Variants in NUS1 observed in about 807,000 individuals in gnomAD.
NUS1 encodes NUS1 dehydrodolichyl diphosphate synthase subunit.
For missense variants in NUS1, 292 were observed against 382.9 expected, an observed-to-expected ratio of 0.76 and a Z score of 1.98; for synonymous variants, 135 against 155.2, an observed-to-expected ratio of 0.87 and a Z score of 0.97.
chr6:117,706,764 T>C (rs1225066186), intron 4 of NUS1, among the ~76,000 whole-genome samples, 161 bp from the exon 5 acceptor site: 1 of 152,154 alleles, frequency 6.6e-6, no homozygotes, highest in African/African-American at 2.4e-5. Flanking sequence ...TCAGTCTACA[T>C]ATTATGATTA....
chr6:117,704,614 C>T (rs995401364), intron 4 of NUS1, among the ~76,000 whole-genome samples: 6 of 152,138 alleles, frequency 3.9e-5, no homozygotes. Flanking sequence ...AAAGGAGAGA[C>T]ATAGTAGCCT....
At chr6:117,706,797 G>A in intron 4 of NUS1, 128 bp from the exon 5 acceptor site, 2 of 697,304 alleles carry the variant, frequency 2.9e-6, no homozygotes, top group South Asian at 1.6e-5. Flanking sequence ...TGCCTGTCAT[G>A]GTGCTGTCTG....
chr6:117,676,268 A>G (rs140151657), intron 1 of NUS1, among the ~76,000 whole-genome samples, 183 bp downstream of exon 1: 36 of 152,316 alleles, frequency 2.4e-4, no homozygotes, highest in South Asian at 1.7e-3. Flanking sequence ...TTGACTCAGT[A>G]GCTTTTTAAC....
chr6:117,696,831 T>TAC (rs1387840045), intron 3 of NUS1, among the ~76,000 whole-genome samples: 2 of 152,068 alleles, frequency 1.3e-5, no homozygotes, highest in African/African-American at 4.8e-5. Context: ...CATCTGAAGG[T>TAC]ACAACTCTCA....
Position 117,694,137 on chromosome 6 carries a change from G to A in NUS1, c.648G>A (p.Lys216=), listed in dbSNP as rs148404018. ...DFCQLVAQKQ[K]RPTDLDVDTL... ...GCCAGTTAGTAGCCCAGAAGCAAAA[G>A]AGACCCACAGATTTGGATGTAGATA... Residue 216 remains lysine (K), a synonymous_variant, in exon 3 of 5, where the codon AAG becomes AAA. Transcript: ENST00000368494. 35 of 1,611,052 alleles carry A rather than the reference G, an allele frequency of 2.2e-5. No homozygotes were observed. In the African/African-American group the frequency reaches 4.5e-4, roughly 21 times the overall value.
intron 3 of NUS1, among the ~76,000 whole-genome samples, chr6:117,697,885 C>T (rs749248617): frequency 4.6e-5 from 7 of 152,106 alleles, no homozygotes; most frequent in East Asian, 1.9e-4. Context: ...ATGAAACATT[C>T]GCAAGAAGAG....
chr6:117,699,005 C>A (rs1435754421), intron 3 of NUS1, among the ~76,000 whole-genome samples: 1 of 152,094 alleles, frequency 6.6e-6, no homozygotes, highest in Admixed American at 6.5e-5. Context: ...GAACACGCTA[C>A]AACATAATAA....
In NUS1 at chr6:117,675,891, G is replaced by A. The variant is rs898267866; in HGVS notation, c.221G>A (p.Gly74Glu). 1.1e-5 allele frequency: 17 copies of A among 1,536,446 alleles called. No homozygotes were observed. Among genetic ancestry groups the A allele is most frequent in the East Asian group, 2.5e-5 (1 of 40,714 alleles). Residue 74 changes from glycine (G) to glutamate (E), a missense_variant, in exon 1 of 5, where the codon GGG becomes GAG. Transcript: ENST00000368494. ...RNRRHHRHPR[G>E]GSCLAAAHHR... is the part of the protein sequence containing the mutation. ...CGCCGTCACCACCGGCACCCGCGCGGGGGGTCGTGCCTGGCAGCCGCACAC... is the reference window on the plus strand; with the variant it reads ...CGCCGTCACCACCGGCACCCGCGCGAGGGGTCGTGCCTGGCAGCCGCACAC...
Position 117,675,575 on chromosome 6 carries a change from G to A in NUS1, c.-96G>A. On this transcript the variant is annotated 5_prime_UTR_variant, in exon 1 of 5. Coordinates refer to ENST00000368494, the MANE Select transcript of NUS1 (RefSeq NM_138459.5). ...CGGGCTCGGGGGGCGGGGGGACGCGGAGCGATGGCCCGCGCCGGCCGCAGG... is the reference window on the plus strand; with the variant it reads ...CGGGCTCGGGGGGCGGGGGGACGCGAAGCGATGGCCCGCGCCGGCCGCAGG... 3.8e-6 allele frequency: 5 copies of A among 1,307,586 alleles called. No individual in the cohort carries two copies. The highest frequency in any genetic ancestry group is 1.5e-5 in the African/African-American group (1 of 68,222). The allele number at this position is 1,307,586 out of a possible 1,614,324, so 81.0% of individuals were successfully genotyped here.
chr6:117,696,036 T>TGGATG (rs1439264337), intron 3 of NUS1, among the ~76,000 whole-genome samples: 3 of 152,072 alleles, frequency 2.0e-5, no homozygotes, highest in Non-Finnish European at 4.4e-5. Flanking sequence ...TGTTTGTGTG[T>TGGATG]TTTCAAGAAT....
rs192872400 is a variant in NUS1, at chr6:117,701,402, G to A, written c.692-2203G>A. ...TGGGACTACAGGCGCCCGCCACCGCGCCTGGCTAATTTTTTGCATTTTTAG... is the reference window on the plus strand; with the variant it reads ...TGGGACTACAGGCGCCCGCCACCGCACCTGGCTAATTTTTTGCATTTTTAG... On this transcript the variant is annotated intron_variant, in intron 3 of 4. Coordinates refer to ENST00000368494, the MANE Select transcript of NUS1 (RefSeq NM_138459.5). Among the ~76,000 whole-genome samples, 851 of 151,838 alleles carry A rather than the reference G, an allele frequency of 5.6e-3. 10 individuals are homozygous for A. The highest frequency in any genetic ancestry group is 0.019 in the African/African-American group (792 of 41,422).
At chr6:117,676,793 A>G (rs1772989896) in intron 1 of NUS1, among the ~76,000 whole-genome samples, 1 of 152,184 alleles carries the variant, frequency 6.6e-6, no homozygotes, top group South Asian at 2.1e-4. Context: ...GCCTTTGGTT[A>G]CACCACACTG....
chr6:117,686,271 C>T (rs1773139178), intron 1 of NUS1, among the ~76,000 whole-genome samples: 1 of 151,834 alleles, frequency 6.6e-6, no homozygotes, highest in Admixed American at 6.6e-5. Flanking sequence ...AAAAAAAAAG[C>T]TCTAGTCCTA....
At chr6:117,701,071 A>C (rs78229930) in intron 3 of NUS1, among the ~76,000 whole-genome samples, 1,866 of 147,884 alleles carry the variant, frequency 0.013, 37 homozygotes, top group African/African-American at 0.044. Flanking sequence ...GGTCCTTTGC[A>C]TTTTTCTACA....
At chr6:117,676,704 C>T (rs1772988224) in intron 1 of NUS1, among the ~76,000 whole-genome samples, 1 of 152,216 alleles carries the variant, frequency 6.6e-6, no homozygotes, top group African/African-American at 2.4e-5. Context: ...TGCCCAAGGC[C>T]ACAAGATCGT....
At chr6:117,694,272 T>C in intron 3 of NUS1, 92 bp downstream of exon 3, 1 of 684,528 alleles carries the variant, frequency 1.5e-6, no homozygotes, top group Non-Finnish European at 2.1e-6. Context: ...AAAGAAAATA[T>C]TTTTGTTTCT....
chr6:117,687,892 A>G (rs57182226), intron 1 of NUS1, among the ~76,000 whole-genome samples: 6,857 of 152,186 alleles, frequency 0.045, 407 homozygotes, highest in East Asian at 0.27. Context: ...AGAAGGGGGC[A>G]GGAACACCCA....
rs1052239 is a variant in NUS1 at position 117,694,136 on chromosome 6, A to G, written c.647A>G (p.Lys216Arg). 3 of 1,611,284 alleles carry G rather than the reference A, an allele frequency of 1.9e-6. No homozygotes were observed. The highest frequency in any genetic ancestry group is 2.5e-6 in the Non-Finnish European group (3 of 1,178,416). ...TGCCAGTTAGTAGCCCAGAAGCAAA[A>G]GAGACCCACAGATTTGGATGTAGAT... ...DFCQLVAQKQ[K>R]RPTDLDVDTL... The change falls in exon 3 of 5, where the codon AAG becomes AGG. Residue 216 changes from lysine to arginine, a missense_variant. Lys to Arg is a conservative substitution (Grantham distance 26, BLOSUM62 2). Coordinates refer to ENST00000368494, the MANE Select transcript of NUS1 (RefSeq NM_138459.5).
At chr6:117,683,402 T>A (rs959911857) in intron 1 of NUS1, among the ~76,000 whole-genome samples, 2 of 152,214 alleles carry the variant, frequency 1.3e-5, no homozygotes, top group South Asian at 4.1e-4. Flanking sequence ...CATGTAAAAT[T>A]TTAATGGTAG....
Sources: allele counts gnomAD v4.1 joint callset (sites outside exome capture counted in the v4.1 genomes callset), GRCh38; gene constraint gnomAD v4.1.1; transcripts MANE v1.5; gene names NCBI Gene and HGNC (gene_info 2026-07-23, HGNC 2026-07-21).